The following MACROD1 variants were observed in gnomAD, a reference collection of about 807,000 sequenced individuals.
MACROD1 encodes the protein ADP-ribose glycohydrolase MACROD1.
A neutral mutation model predicts 41.4 loss-of-function variants in MACROD1; 31 were observed. The ratio of observed to expected loss-of-function variants is 0.75; its 90% CI spans 0.56 to 1.01. MACROD1 has a LOEUF of 1.01. MACROD1 is among the 50% of genes least tolerant of loss of function. MACROD1 has a pLI of 0.00. For synonymous variants in MACROD1, 252 were observed against 203.4 expected (o/e 1.24, Z -2.03); for missense variants, 473 against 460.0 (o/e 1.03, Z -0.26).
intron 3 of MACROD1, among the ~76,000 whole-genome samples, chr11:64,100,055 G>C (rs907012359): frequency 1.3e-5 from 2 of 152,138 alleles, no homozygotes; most frequent in African/African-American, 2.4e-5. Context: ...TTGAGGCCCT[G>C]ACACTGCTAC....
intron 3 of MACROD1, chr11:64,116,789 C>A: frequency 6.2e-7 from 1 of 1,613,556 alleles, no homozygotes; most frequent in Non-Finnish European, 8.5e-7. Flanking sequence ...ACGCCTTCGC[C>A]GACAGCAAAC....
intron 3 of MACROD1, among the ~76,000 whole-genome samples, chr11:64,041,281 G>A (rs1442360222): frequency 3.3e-5 from 5 of 149,778 alleles, no homozygotes; most frequent in African/African-American, 1.2e-4. Context: ...CCTTCCGTGA[G>A]GAGCCGGCAT....
At chr11:64,062,019 A>G (rs1244563544) in intron 3 of MACROD1, among the ~76,000 whole-genome samples, 2 of 148,034 alleles carry the variant, frequency 1.4e-5, no homozygotes, top group Non-Finnish European at 3.0e-5. Flanking sequence ...TTCCCAAACA[A>G]ATCCTGTCCT....
At chr11:64,012,296 C>A (rs1943026829) in intron 4 of MACROD1, among the ~76,000 whole-genome samples, 1 of 152,242 alleles carries the variant, frequency 6.6e-6, no homozygotes, top group Non-Finnish European at 1.5e-5. Context: ...TGAGCCACTC[C>A]TGGATTTGCC....
At chr11:64,116,973 A>G in intron 3 of MACROD1, 1 of 1,612,072 alleles carries the variant, frequency 6.2e-7, no homozygotes, top group Non-Finnish European at 8.5e-7. Flanking sequence ...CCTGCTGGCC[A>G]ACCAGCGCAT....
intron 3 of MACROD1, among the ~76,000 whole-genome samples, chr11:64,085,415 C>T (rs532242178): frequency 9.9e-5 from 15 of 152,274 alleles, no homozygotes; most frequent in African/African-American, 1.4e-4. Flanking sequence ...GGACGGAGGG[C>T]GGGGGAGACT....
chr11:64,129,281 G>A (rs1341063863), intron 3 of MACROD1, among the ~76,000 whole-genome samples: 1 of 152,244 alleles, frequency 6.6e-6, no homozygotes, highest in Non-Finnish European at 1.5e-5. Context: ...TACCACATGT[G>A]CTACTCATCC....
At chr11:64,074,223 G>A (rs988111952) in intron 3 of MACROD1, among the ~76,000 whole-genome samples, 32 of 152,252 alleles carry the variant, frequency 2.1e-4, no homozygotes, top group African/African-American at 7.7e-4. Flanking sequence ...TTCCCCCAAG[G>A]CCCCAGAATG....
At chr11:64,134,430 G>C (rs1945305228) in intron 3 of MACROD1, among the ~76,000 whole-genome samples, 1 of 152,234 alleles carries the variant, frequency 6.6e-6, no homozygotes, top group South Asian at 2.1e-4. Context: ...AAGGGAGCTG[G>C]TGGGGGTAGG....
chr11:64,160,052 G>A (rs1010469274), intron 1 of MACROD1, among the ~76,000 whole-genome samples: 1 of 152,088 alleles, frequency 6.6e-6, no homozygotes. Flanking sequence ...CCATGGGCTG[G>A]GCATCCTTCC....
chr11:64,077,377 C>T (rs1047147137), intron 3 of MACROD1, among the ~76,000 whole-genome samples: 1 of 152,192 alleles, frequency 6.6e-6, no homozygotes, highest in Non-Finnish European at 1.5e-5. Flanking sequence ...GCCCCTGTCA[C>T]GGGGCTGCCC....
At chr11:64,068,241 A>G (rs576926660) in intron 3 of MACROD1, among the ~76,000 whole-genome samples, 5 of 152,342 alleles carry the variant, frequency 3.3e-5, no homozygotes, top group African/African-American at 9.6e-5. Context: ...CGGTGTCAGA[A>G]ACCCCTTCAG....
intron 3 of MACROD1, among the ~76,000 whole-genome samples, chr11:64,099,281 C>A (rs527924830): frequency 9.7e-4 from 148 of 152,380 alleles, no homozygotes; most frequent in Non-Finnish European, 1.5e-3. Flanking sequence ...GCCCTGTGTG[C>A]GTCTCACATT....
At chr11:64,053,659 C>G (rs117381410) in intron 3 of MACROD1, among the ~76,000 whole-genome samples, 6,162 of 152,262 alleles carry the variant, frequency 0.04, 188 homozygotes, top group South Asian at 0.13. Flanking sequence ...CAGCGGGGTC[C>G]TCAGCAGGTG....
Position 64,079,010 on chromosome 11 carries a change from G to C in MACROD1, c.518-63729C>G, listed in dbSNP as rs181080944. On this transcript the variant is annotated intron_variant, in intron 3 of 10. Coordinates refer to ENST00000255681, the MANE Select transcript of MACROD1 (RefSeq NM_014067.4). ...AACATGGATTTGTTCTGAGGGGAGG[G>C]TGGTGATGGGACTGGGTTCCCAGGG... 4.4e-3 allele frequency among the ~76,000 whole-genome samples: 677 copies of C among 152,206 alleles called. 7 individuals are homozygous for C. The highest frequency in any genetic ancestry group is 0.016 in the African/African-American group (645 of 41,498).
intron 3 of MACROD1, among the ~76,000 whole-genome samples, chr11:64,126,649 G>A (rs1847946440): frequency 6.6e-6 from 1 of 151,894 alleles, no homozygotes; most frequent in African/African-American, 2.4e-5. Context: ...AGGAGGAGGA[G>A]ACCAGGGAGG....
chr11:64,032,444 C>T (rs1469730741), intron 3 of MACROD1, among the ~76,000 whole-genome samples: 1 of 152,020 alleles, frequency 6.6e-6, no homozygotes, highest in Non-Finnish European at 1.5e-5. Context: ...TTTAGGGGCT[C>T]CAGAGAGGGT....
intron 4 of MACROD1, among the ~76,000 whole-genome samples, chr11:64,006,495 A>G (rs1352982055): frequency 6.6e-6 from 1 of 152,230 alleles, no homozygotes; most frequent in Non-Finnish European, 1.5e-5. Flanking sequence ...GAGATCTGAA[A>G]TTCATTACGG....
intron 3 of MACROD1, among the ~76,000 whole-genome samples, chr11:64,121,252 C>T (rs145896486): frequency 1.3e-5 from 2 of 152,208 alleles, no homozygotes; most frequent in African/African-American, 4.8e-5. Flanking sequence ...CCCAGGACCA[C>T]GCGAGTCTCC....
Sources: gnomAD v4.1 joint callset for allele counts (sites outside exome capture counted in the v4.1 genomes callset) on GRCh38, gnomAD v4.1.1 for gene constraint, MANE v1.5 for transcripts, NCBI Gene and HGNC (gene_info 2026-07-23, HGNC 2026-07-21) for gene names.